The following CTDP1 variants were observed in gnomAD, a reference collection of about 807,000 sequenced individuals.
CTDP1 encodes RNA polymerase II subunit A C-terminal domain phosphatase.
A neutral mutation model predicts 91.8 loss-of-function variants in CTDP1; 47 were observed. That is an observed-to-expected ratio of 0.51 (90% CI 0.41 to 0.65). CTDP1 has a LOEUF of 0.65. Ranked by LOEUF, CTDP1 falls within the 30% of genes least tolerant of loss-of-function variation. CTDP1 has a pLI of 0.00. For synonymous variants in CTDP1, 656 were observed against 598.5 expected (o/e 1.10, Z -1.40); for missense variants, 1,272 against 1,373.7 (o/e 0.93, Z 1.17).
intron 2 of CTDP1, 109 bp downstream of exon 2, chr18:79,695,417 C>A: frequency 1.0e-6 from 1 of 981,520 alleles, no homozygotes; most frequent in Non-Finnish European, 1.6e-6. Context: ...GGTTTCCCAG[C>A]GGCAGATGCA....
chr18:79,719,608 T>A (rs1479253553), intron 10 of CTDP1, among the ~76,000 whole-genome samples: 6 of 151,686 alleles, frequency 4.0e-5, no homozygotes. Flanking sequence ...TAGGAAGGCG[T>A]CCTGGTGATG....
At chr18:79,686,699 A>AT (rs749065681) in intron 1 of CTDP1, among the ~76,000 whole-genome samples, 2 of 152,258 alleles carry the variant, frequency 1.3e-5, no homozygotes, top group East Asian at 1.9e-4. Flanking sequence ...ATTTTGATGC[A>AT]TTTTTTGTGC....
intron 5 of CTDP1, among the ~76,000 whole-genome samples, chr18:79,709,626 C>T (rs2086039747): frequency 6.6e-6 from 1 of 152,188 alleles, no homozygotes; most frequent in Admixed American, 6.5e-5. Context: ...GTAGCCTAAG[C>T]GGATTCTTCG....
At chr18:79,738,960 C>T (rs1250354164) in intron 12 of CTDP1, among the ~76,000 whole-genome samples, 1 of 152,216 alleles carries the variant, frequency 6.6e-6, no homozygotes, top group East Asian at 1.9e-4. Flanking sequence ...CCTGGCCGTA[C>T]CTTCCTTCAC....
At chr18:79,718,822 C>T (rs2086273361) in intron 10 of CTDP1, among the ~76,000 whole-genome samples, 1 of 152,152 alleles carries the variant, frequency 6.6e-6, no homozygotes, top group South Asian at 2.1e-4. Context: ...TGCGTTTGCC[C>T]CTGGAAGCCG....
At chr18:79,748,373 G>A (rs1292108899) in intron 12 of CTDP1, among the ~76,000 whole-genome samples, 2 of 152,210 alleles carry the variant, frequency 1.3e-5, no homozygotes, top group Non-Finnish European at 1.5e-5. Flanking sequence ...GAGGGACCGC[G>A]CAGGGCCTGG....
In CTDP1 at chr18:79,717,879, G is replaced by T; in HGVS notation, c.2280G>T (p.Pro760=). The T allele has an allele frequency of 1.2e-6, 2 of 1,613,576 alleles. No homozygotes were observed. Among genetic ancestry groups the T allele is most frequent in the Non-Finnish European group, 8.5e-7 (1 of 1,180,006 alleles). Reference sequence around the variant, plus strand: ...CCACCGCCTTGTTCCACCCGATGCCGGTTCTTCCCAAGGCCCAGCCTGGCC... The same window carrying T: ...CCACCGCCTTGTTCCACCCGATGCCTGTTCTTCCCAAGGCCCAGCCTGGCC... ...VPPTALFHPM[P]VLPKAQPGPE... is the part of the protein sequence containing the mutation. The change falls in exon 10 of 13, where the codon CCG becomes CCT. Residue 760 remains proline (P), a synonymous_variant. Transcript: ENST00000613122.
At chr18:79,751,679 G>A (rs1463625234) in intron 12 of CTDP1, among the ~76,000 whole-genome samples, 1 of 152,192 alleles carries the variant, frequency 6.6e-6, no homozygotes, top group Non-Finnish European at 1.5e-5. Flanking sequence ...GAGTGCATGT[G>A]TGTTACATGC....
At chr18:79,710,270 T>C in intron 5 of CTDP1, 76 bp from the exon 6 acceptor site, 1 of 1,165,158 alleles carries the variant, frequency 8.6e-7, no homozygotes, top group Non-Finnish European at 1.3e-6. Context: ...AAAAAAAACA[T>C]TCAAGGCTTC....
At chr18:79,678,195 T>C (rs73007480), upstream of CTDP1, 18,964 of 152,250 alleles carry the variant, frequency 0.12, 1,550 homozygotes, top group Non-Finnish European at 0.19. Context: ...GAACGCGAGT[T>C]CTTTTAATTA....
At chr18:79,707,549 A>G (rs566055867) in intron 5 of CTDP1, among the ~76,000 whole-genome samples, 23 of 152,358 alleles carry the variant, frequency 1.5e-4, no homozygotes, top group Admixed American at 7.2e-4. Context: ...TTTCTATGCT[A>G]AAGTTCCAGC....
intron 10 of CTDP1, 137 bp downstream of exon 10, chr18:79,718,153 T>G (rs2086260652): frequency 2.0e-6 from 2 of 1,019,768 alleles, no homozygotes; most frequent in East Asian, 2.6e-5. Flanking sequence ...TGCTTCCACC[T>G]TGTGGGAGCG....
chr18:79,742,227 C>T (rs1599312140), intron 12 of CTDP1, among the ~76,000 whole-genome samples: 1 of 149,214 alleles, frequency 6.7e-6, no homozygotes, highest in Non-Finnish European at 1.5e-5. Context: ...CCAGAGGAAG[C>T]GTGAGGGGTT....
chr18:79,683,919 G>A (rs759364991), intron 1 of CTDP1, among the ~76,000 whole-genome samples: 3 of 152,242 alleles, frequency 2.0e-5, no homozygotes, highest in East Asian at 1.9e-4. Context: ...TTTTGGGACC[G>A]GGGGGTGCCT....
intron 10 of CTDP1, among the ~76,000 whole-genome samples, chr18:79,725,624 C>A (rs2086430264): frequency 6.6e-6 from 1 of 151,704 alleles, no homozygotes; most frequent in South Asian, 2.1e-4. Flanking sequence ...CAAGTGTGGT[C>A]TAGAGAACTC....
chr18:79,717,254 G>A (rs552064912), intron 8 of CTDP1, among the ~76,000 whole-genome samples: 33 of 150,240 alleles, frequency 2.2e-4, no homozygotes, highest in Middle Eastern at 7.1e-3. Context: ...GCCCTGGTGG[G>A]GTACAGCTGG....
In CTDP1 at chr18:79,714,879, C is replaced by G. The variant is rs1470313122; in HGVS notation, c.1419C>G (p.Ala473=). ...ESEGTKSSSS[A]SDGESEGKRG... ...AGGGCACGAAGTCCTCCTCCTCCGC[C>G]TCTGATGGCGAAAGCGAGGGGAAAA... is the stretch of plus-strand genomic sequence containing the variant. Residue 473 remains alanine, a synonymous_variant, in exon 8 of 13, where the codon GCC becomes GCG. Coordinates refer to ENST00000613122, the MANE Select transcript of CTDP1 (RefSeq NM_004715.5). 8 of 1,580,466 alleles carry G rather than the reference C, an allele frequency of 5.1e-6. No individual in the cohort carries two copies. Among genetic ancestry groups the G allele is most frequent in the Non-Finnish European group, 6.0e-6 (7 of 1,163,928 alleles).
downstream of CTDP1, chr18:79,755,707 A>T (rs2087083998): frequency 6.6e-6 from 1 of 152,248 alleles, no homozygotes; most frequent in South Asian, 2.1e-4. Context: ...CTCTTGGCCG[A>T]GTCCCCTCTG....
chr18:79,684,925 AGGACGG>A (rs2085454296), intron 1 of CTDP1, among the ~76,000 whole-genome samples: 6 of 37,074 alleles, frequency 1.6e-4, no homozygotes, highest in Non-Finnish European at 3.2e-4. Context: ...CCTGGTGAGG[AGGACGG>A]TGCAGGGACC....
Sources: allele counts gnomAD v4.1 joint callset (sites outside exome capture counted in the v4.1 genomes callset), GRCh38; gene constraint gnomAD v4.1.1; transcripts MANE v1.5; gene names NCBI Gene and HGNC (gene_info 2026-07-23, HGNC 2026-07-21).